The following SEMA4F variants were observed in gnomAD, a reference collection of about 807,000 sequenced individuals.
The protein encoded by SEMA4F is ssemaphorin 4F.
In SEMA4F, 51 loss-of-function variants were observed where a neutral mutation model predicts 78.4. That is an observed-to-expected ratio of 0.65 (90% CI 0.52 to 0.82). SEMA4F has a LOEUF of 0.82. Among genes scored for constraint, SEMA4F ranks in the 40% least tolerant of loss-of-function variants. The pLI, the probability that SEMA4F is intolerant of heterozygous loss-of-function variation, is 0.00. For synonymous variants in SEMA4F, 418 were observed against 408.7 expected (o/e 1.02, Z -0.27); for missense variants, 938 against 1,014.4 (o/e 0.92, Z 1.02).
chr2:74,675,228 A>G lies in SEMA4F; in HGVS notation c.1216A>G (p.Thr406Ala). The G allele has an allele frequency of 6.2e-7, 1 of 1,613,792 alleles. No individual in the cohort carries two copies. The highest frequency in any genetic ancestry group is 1.7e-5 in the Admixed American group (1 of 59,990). Residue 406 changes from threonine to alanine, a missense_variant, in exon 10 of 14, where the codon ACC (threonine) becomes GCC (alanine). Physicochemically the swap from Thr to Ala is moderately conservative, Grantham distance 58 (BLOSUM62 0). Coordinates refer to ENST00000357877, the MANE Select transcript of SEMA4F (RefSeq NM_004263.5). Reference sequence around the variant, plus strand: ...TCTCTCCCTGCCTGACCGCGTACTCACCTTCATCCGGGACCACCCACTCAT... The same window carrying G: ...TCTCTCCCTGCCTGACCGCGTACTCGCCTTCATCCGGGACCACCCACTCAT... ...SSLSLPDRVL[T>A]FIRDHPLMDR... is the part of the protein sequence containing the mutation.
At chr2:74,707,098 G>C in the SEMA4F span, among the ~76,000 whole-genome samples, 2 of 152,050 alleles carry the variant, frequency 1.3e-5, no homozygotes, top group Non-Finnish European at 2.9e-5. Flanking sequence ...TGCATTTCAT[G>C]ATCCTAGATT....
chr2:74,676,250 C>T (rs1160038254), intron 12 of SEMA4F, among the ~76,000 whole-genome samples: 2 of 152,224 alleles, frequency 1.3e-5, no homozygotes, highest in African/African-American at 4.8e-5. Context: ...TTTCCTCTTG[C>T]TCTCTATGAC....
chr2:74,674,800 G>A (rs751721590), intron 8 of SEMA4F, 88 bp from the exon 9 acceptor site: 192 of 1,556,482 alleles, frequency 1.2e-4, no homozygotes, highest in Non-Finnish European at 1.5e-4. Context: ...CTCCCTGTGC[G>A]TTTCTCGGGG....
Position 74,673,382 on chromosome 2 carries a change from C to T in SEMA4F, c.551-75C>T, listed in dbSNP as rs543891535. The T allele has an allele frequency of 3.3e-5, 52 of 1,580,898 alleles. No homozygotes were observed. The Middle Eastern group carries it at 6.1e-4, about 19-fold the overall frequency. On this transcript the variant is annotated intron_variant, in intron 5 of 13. Transcript: ENST00000357877. ...TGAGAGTCGCTGCCCTGCTTTATGC[C>T]CTACTCTGCCTGTGACCTCTGTTGC...
intron 2 of SEMA4F, 47 bp downstream of exon 2, chr2:74,656,732 T>C: frequency 6.3e-7 from 1 of 1,591,538 alleles, no homozygotes; most frequent in Admixed American, 1.7e-5. Flanking sequence ...AGCATGTGAT[T>C]AAATCTATGA....
In SEMA4F at chr2:74,657,931, G is replaced by A; in HGVS notation, c.436G>A (p.Asp146Asn). The A allele has an allele frequency of 6.2e-7, 1 of 1,614,164 alleles. No individual in the cohort carries two copies. Among genetic ancestry groups the A allele is most frequent in the Non-Finnish European group, 8.5e-7 (1 of 1,180,014 alleles). Residue 146 changes from aspartate to asparagine, a missense_variant, in exon 4 of 14, where the codon GAT (aspartate) becomes AAT (asparagine). Coordinates refer to ENST00000357877, the MANE Select transcript of SEMA4F (RefSeq NM_004263.5). The part of the protein sequence containing the change: ...HLLTCGTFAF[D>N]PKCGVIDVSR... The stretch of plus-strand genomic sequence containing the variant: ...CCTCACTTGTGGCACCTTCGCTTTT[G>A]ATCCGAAGTGCGGGGTTATTGTGAG...
intron 5 of SEMA4F, 50 bp downstream of exon 5, chr2:74,662,875 C>T: frequency 7.0e-7 from 1 of 1,426,212 alleles, no homozygotes; most frequent in East Asian, 2.3e-5. Flanking sequence ...TTGCCTCCTT[C>T]CCCACCCTTG....
intron 5 of SEMA4F, among the ~76,000 whole-genome samples, chr2:74,665,911 T>G (rs372583463): frequency 8.6e-5 from 13 of 151,822 alleles, no homozygotes; most frequent in South Asian, 2.1e-4. Context: ...TGTTTTTTTT[T>G]TTTTTTGTTT....
At chr2:74,693,162 C>T in the SEMA4F span, among the ~76,000 whole-genome samples, 1 of 152,174 alleles carries the variant, frequency 6.6e-6, no homozygotes, top group Non-Finnish European at 1.5e-5. Context: ...CCATTTGATA[C>T]TATATCTTGG....
chr2:74,675,402 G>A lies in SEMA4F; in HGVS notation c.1372+18G>A, dbSNP rs1178795736. 5.0e-6 allele frequency: 8 copies of A among 1,609,946 alleles called. No individual in the cohort carries two copies. Among genetic ancestry groups the A allele is most frequent in the Non-Finnish European group, 6.8e-6 (8 of 1,177,024 alleles). ...GGGGACAGGTATATTTAATGGTCAA[G>A]CAGGCTGCCTACCTAGTGCATACAC... is the stretch of plus-strand genomic sequence containing the variant. On this transcript the variant is annotated intron_variant, in intron 10 of 13. Transcript: ENST00000357877.
At chr2:74,654,635 T>G (rs1419387512) in intron 1 of SEMA4F, 114 bp downstream of exon 1, 2 of 924,318 alleles carry the variant, frequency 2.2e-6, no homozygotes, top group East Asian at 3.3e-5. Context: ...TGTATGGCGT[T>G]TCACGCCGCC....
chr2:74,704,910 TCTC>T, the SEMA4F span, among the ~76,000 whole-genome samples: 1 of 152,144 alleles, frequency 6.6e-6, no homozygotes, highest in African/African-American at 2.4e-5. Flanking sequence ...ATGTCTTTGT[TCTC>T]CTATGCGTTT....
intron 10 of SEMA4F, 67 bp downstream of exon 10, chr2:74,675,451 G>GTAATACA: frequency 6.3e-7 from 1 of 1,591,008 alleles, no homozygotes; most frequent in Non-Finnish European, 8.6e-7. Context: ...AGAGGGTACT[G>GTAATACA]TAATACATAT....
chr2:74,706,210 G>A, the SEMA4F span, among the ~76,000 whole-genome samples: 4 of 152,118 alleles, frequency 2.6e-5, no homozygotes, highest in Non-Finnish European at 4.4e-5. Flanking sequence ...TATGTTTCCA[G>A]TTTACAGATA....
chr2:74,694,658 T>G, the SEMA4F span, among the ~76,000 whole-genome samples: 4 of 152,244 alleles, frequency 2.6e-5, no homozygotes, highest in African/African-American at 9.6e-5. Flanking sequence ...TCTGGCTTAT[T>G]CTTTTAAATA....
the SEMA4F span, among the ~76,000 whole-genome samples, chr2:74,689,103 C>G: frequency 5.3e-5 from 8 of 152,148 alleles, no homozygotes. Context: ...ATACCTCATT[C>G]TACTGACCTC....
chr2:74,689,340 G>A, the SEMA4F span, among the ~76,000 whole-genome samples: 8 of 152,110 alleles, frequency 5.3e-5, no homozygotes, highest in South Asian at 8.3e-4. Context: ...AGAAAAAAAG[G>A]TTGGTGACCT....
intron 4 of SEMA4F, among the ~76,000 whole-genome samples, chr2:74,659,146 G>A (rs1388453666): frequency 6.6e-6 from 1 of 152,166 alleles, no homozygotes; most frequent in African/African-American, 2.4e-5. Context: ...CAGGGTGTTG[G>A]TGAAAATCTC....
In SEMA4F at chr2:74,682,415, CA is replaced by C. The variant is rs370845200; in HGVS notation, c.*2222del. On this transcript the variant is annotated 3_prime_UTR_variant, in exon 14 of 14. Transcript: ENST00000357877. ...TGGGCAACAGAGCAAAACTCCGTCT[CA>C]AAAAAAAAAAAAAAAGATAACCATG... The C allele has an allele frequency of 0.046, 4,373 of 94,902 alleles. 163 individuals are homozygous for C. Among genetic ancestry groups the C allele is most frequent in the African/African-American group, 0.12 (3,402 of 29,188 alleles). 5.9% of individuals were successfully genotyped at this position (94,902 alleles called of 1,614,324 possible). A position where few individuals can be genotyped will look rare whatever the true frequency, so the allele number is the denominator to read the frequency against.
Sources: allele counts gnomAD v4.1 joint callset (sites outside exome capture counted in the v4.1 genomes callset), GRCh38; gene constraint gnomAD v4.1.1; transcripts MANE v1.5; gene names NCBI Gene and HGNC (gene_info 2026-07-23, HGNC 2026-07-21).